Variants in ZC3H13 observed in about 807,000 individuals in gnomAD.
ZC3H13 encodes the protein zinc finger CCCH domain-containing protein 13.
A neutral mutation model predicts 204.1 loss-of-function variants in ZC3H13; 64 were observed. The observed-to-expected ratio is 0.31, with a 90% confidence interval of 0.26 to 0.39. The LOEUF (loss-of-function observed/expected upper bound fraction) is 0.39, where lower values mean the gene tolerates loss of function less well. ZC3H13 is among the 10% of genes least tolerant of loss of function. ZC3H13 has a pLI of 1.00. For missense variants in ZC3H13, 1,833 were observed against 2,082.7 expected (o/e 0.88, Z 2.33); for synonymous variants, 667 against 693.7 (o/e 0.96, Z 0.60).
chr13:45,967,512 C>A lies in ZC3H13; in HGVS notation c.4313G>T (p.Ser1438Ile). ...EETNKSERTE[S>I]LEAGDDESKL... ...ACAGAGGTAGCACTCACCTTCCAGA[C>A]TCTCAGTTCTCTCGGATTTATTTGT... Residue 1438 changes from serine (S) to isoleucine (I), a missense_variant, in exon 15 of 19, where the codon AGT becomes ATT. Ser to Ile is a moderately radical substitution (Grantham distance 142). This residue lies in a region of ZC3H13 where 1,574 missense variants were observed against 1,757.2 expected (regional missense o/e 0.90). Coordinates refer to ENST00000679008, the MANE Select transcript of ZC3H13 (RefSeq NM_001330564.2). 6.5e-7 allele frequency: 1 copy of A among 1,548,352 alleles called. No individual in the cohort carries two copies. The highest frequency in any genetic ancestry group is 8.7e-7 in the Non-Finnish European group (1 of 1,151,950).
At chr13:45,984,514 GTTT>G (rs1039662966) in intron 10 of ZC3H13, among the ~76,000 whole-genome samples, 1 of 152,028 alleles carries the variant, frequency 6.6e-6, no homozygotes, top group Non-Finnish European at 1.5e-5. Context: ...AAATCCAACA[GTTT>G]TTTTATGAAA....
chr13:45,964,523 C>A (rs1226284652), intron 16 of ZC3H13, among the ~76,000 whole-genome samples: 1 of 152,116 alleles, frequency 6.6e-6, no homozygotes, highest in Non-Finnish European at 1.5e-5. Context: ...CCATCCACTG[C>A]GAAGGAACAG....
Position 45,969,134 on chromosome 13 carries a change from A to T in ZC3H13, c.3410T>A (p.Ile1137Asn). The change falls in exon 14 of 19, where the codon ATT becomes AAT. Residue 1137 changes from isoleucine (I) to asparagine (N), a missense_variant. Coordinates refer to ENST00000679008, the MANE Select transcript of ZC3H13 (RefSeq NM_001330564.2). ...ATSFSTSAIT[I>N]STSATPTNTT... ...ATTGGTGGGGGTGGCAGAGGTGGAAATAGTGATGGCAGATGTGCTGAAAGA... is the reference window on the plus strand; with the variant it reads ...ATTGGTGGGGGTGGCAGAGGTGGAATTAGTGATGGCAGATGTGCTGAAAGA... The T allele has an allele frequency of 6.2e-7, 1 of 1,614,100 alleles. No individual in the cohort carries two copies. The highest frequency in any genetic ancestry group is 8.5e-7 in the Non-Finnish European group (1 of 1,180,014).
chr13:45,987,577 CCCTG>C (rs1481502117), intron 9 of ZC3H13, among the ~76,000 whole-genome samples: 1 of 152,056 alleles, frequency 6.6e-6, no homozygotes, highest in Non-Finnish European at 1.5e-5. Flanking sequence ...TTTCTCCAGT[CCCTG>C]CCTATTTTCT....
At chr13:45,988,653 C>G (rs564602101) in intron 9 of ZC3H13, 134 bp downstream of exon 9, 11 of 919,236 alleles carry the variant, frequency 1.2e-5, no homozygotes, top group Non-Finnish European at 1.8e-5. Flanking sequence ...TTAAGCATCT[C>G]CTATTGCCCT....
chr13:46,026,548 G>T (rs940387274), intron 4 of ZC3H13, among the ~76,000 whole-genome samples: 2 of 151,766 alleles, frequency 1.3e-5, no homozygotes, highest in African/African-American at 2.4e-5. Flanking sequence ...TTGAGAAAAA[G>T]TGACTGTCTT....
At chr13:45,987,570 C>G (rs1428659446) in intron 9 of ZC3H13, among the ~76,000 whole-genome samples, 2 of 152,048 alleles carry the variant, frequency 1.3e-5, no homozygotes, top group Admixed American at 1.3e-4. Flanking sequence ...TAGGTGCTTT[C>G]TCCAGTCCCT....
chr13:45,969,967 T>C lies in ZC3H13; in HGVS notation c.2577A>G (p.Glu859=). The C allele has an allele frequency of 6.2e-7, 1 of 1,604,254 alleles. No individual in the cohort carries two copies. Among genetic ancestry groups the C allele is most frequent in the Non-Finnish European group, 8.5e-7 (1 of 1,177,346 alleles). The change falls in exon 14 of 19, where the codon GAA becomes GAG. Residue 859 remains glutamate (E), a synonymous_variant. Coordinates refer to ENST00000679008, the MANE Select transcript of ZC3H13 (RefSeq NM_001330564.2). ...DAYNSGDDKN[E]KHRLLSQVVR... ...CAACTTGGCTCAAGAGTCTGTGTTT[T>C]TCATCTATATAAAAGATAAAAGCAA...
At chr13:46,043,527 A>G (rs1023357117) in intron 3 of ZC3H13, among the ~76,000 whole-genome samples, 1 of 151,972 alleles carries the variant, frequency 6.6e-6, no homozygotes, top group Non-Finnish European at 1.5e-5. Context: ...AGCACCCAAC[A>G]GAATGAATGT....
intron 15 of ZC3H13, among the ~76,000 whole-genome samples, chr13:45,967,003 C>T (rs1453075620): frequency 6.6e-6 from 1 of 152,154 alleles, no homozygotes; most frequent in Non-Finnish European, 1.5e-5. Context: ...GCGGACTTAG[C>T]ATTCCTATTC....
chr13:46,035,460 T>G (rs1425719295), intron 4 of ZC3H13, among the ~76,000 whole-genome samples: 1 of 152,222 alleles, frequency 6.6e-6, no homozygotes, highest in African/African-American at 2.4e-5. Context: ...CTTAAAAGTT[T>G]TTTCCATATA....
chr13:46,045,833 T>C (rs768995510), intron 1 of ZC3H13, among the ~76,000 whole-genome samples: 1 of 152,214 alleles, frequency 6.6e-6, no homozygotes, highest in Admixed American at 6.5e-5. Flanking sequence ...GAAGATACAG[T>C]ACAAAATGTT....
In ZC3H13 at chr13:45,965,402, G is replaced by A. The variant is rs1456860488; in HGVS notation, c.4352C>T (p.Ala1451Val). The A allele has an allele frequency of 6.2e-7, 1 of 1,613,296 alleles. No individual in the cohort carries two copies. The highest frequency in any genetic ancestry group is 8.5e-7 in the Non-Finnish European group (1 of 1,179,614). The change falls in exon 16 of 19, where the codon GCA (alanine) becomes GTA (valine). Residue 1451 changes from alanine to valine, a missense_variant. Ala to Val is a moderately conservative substitution (Grantham distance 64). Transcript: ENST00000679008. ...AGDDESKLDD[A>V]HSLGSGAGEG... ...TCCAGCACCAGAGCCTAATGAATGT[G>A]CATCATCTAACTTGGACTCGTCATC...
At chr13:46,004,305 AGG>A (rs1555287842) in intron 7 of ZC3H13, among the ~76,000 whole-genome samples, 3 of 10,564 alleles carry the variant, frequency 2.8e-4, no homozygotes, top group Non-Finnish European at 4.6e-4. Flanking sequence ...GAGGCAGAGG[AGG>A]GAGGGGTGGA....
Position 45,958,563 on chromosome 13 carries a change from T to C in ZC3H13, c.4839+920A>G, listed in dbSNP as rs575318626. 5.9e-4 allele frequency among the ~76,000 whole-genome samples: 90 copies of C among 152,230 alleles called. 1 individual carries two copies. The highest frequency in any genetic ancestry group is 1.2e-3 in the Admixed American group (19 of 15,292). ...CAAAGAGCATTTCCTTTGAGGGTCATGTCGATGCTCAAAAGCTTCGGATTA... is the reference window on the plus strand; with the variant it reads ...CAAAGAGCATTTCCTTTGAGGGTCACGTCGATGCTCAAAAGCTTCGGATTA... On this transcript the variant is annotated intron_variant, in intron 18 of 18. Coordinates refer to ENST00000679008, the MANE Select transcript of ZC3H13 (RefSeq NM_001330564.2).
At chr13:46,049,649 T>C (rs1034818096) in intron 1 of ZC3H13, among the ~76,000 whole-genome samples, 6 of 152,188 alleles carry the variant, frequency 3.9e-5, no homozygotes, top group Non-Finnish European at 7.4e-5. Flanking sequence ...TACCAACTAA[T>C]GTGACAATTA....
chr13:46,042,095 T>C, intron 4 of ZC3H13, 69 bp downstream of exon 4: 1 of 1,215,036 alleles, frequency 8.2e-7, no homozygotes, highest in Non-Finnish European at 1.2e-6. Flanking sequence ...GCACACAATA[T>C]TTAAAATGAA....
intron 10 of ZC3H13, 49 bp from the exon 11 acceptor site, chr13:45,980,053 A>G (rs1593516899): frequency 6.7e-7 from 1 of 1,491,732 alleles, no homozygotes; most frequent in Non-Finnish European, 9.0e-7. Context: ...ACTTTATTCA[A>G]CAAATTTCAT....
intron 4 of ZC3H13, among the ~76,000 whole-genome samples, chr13:46,032,520 A>C (rs765225284): frequency 6.6e-6 from 1 of 152,196 alleles, no homozygotes; most frequent in Non-Finnish European, 1.5e-5. Context: ...AAGTTTGAAA[A>C]CACATACTAA....
Sources: allele counts gnomAD v4.1 joint callset (sites outside exome capture counted in the v4.1 genomes callset), GRCh38; gene constraint gnomAD v4.1.1; regional missense constraint gnomAD v4.1.1; transcripts MANE v1.5; gene names NCBI Gene and HGNC (gene_info 2026-07-23, HGNC 2026-07-21).